The following FBXL13 variants were observed in gnomAD, a reference collection of about 807,000 sequenced individuals.
FBXL13 encodes the protein F-box and leucine rich repeat protein 13.
Under a neutral mutation model 83.6 loss-of-function variants are expected in FBXL13, and 67 were observed. The observed-to-expected ratio is 0.80, with a 90% CI of 0.66 to 0.98. FBXL13 has a LOEUF of 0.98. FBXL13 is among the 50% of genes least tolerant of loss of function. The probability of loss-of-function intolerance (pLI) is 0.00; values close to 1 mark genes in which losing one functional copy is unlikely to be tolerated. For missense variants in FBXL13, 822 were observed against 866.5 expected, an observed-to-expected ratio of 0.95 and a Z score of 0.64; for synonymous variants, 272 against 299.5, an observed-to-expected ratio of 0.91 and a Z score of 0.95.
At chr7:103,022,992 A>G (rs913131376) in intron 6 of FBXL13, among the ~76,000 whole-genome samples, 1 of 152,186 alleles carries the variant, frequency 6.6e-6, no homozygotes, top group Non-Finnish European at 1.5e-5. Flanking sequence ...AAACACCACC[A>G]TTAGCCAGGC....
rs1358892640 is a variant in FBXL13, at chr7:102,862,345, A to G, written c.1636-7485T>C. 3.3e-5 allele frequency among the ~76,000 whole-genome samples: 5 copies of G among 150,446 alleles called. No individual in the cohort carries two copies. In the East Asian group the frequency reaches 9.9e-4, roughly 30 times the overall value. The stretch of plus-strand genomic sequence containing the variant: ...ATCTGTCTCAAAAAAAAAAAAAAAA[A>G]GAAAAGAAATGGACGTTTTGGAGGG... On this transcript the variant is annotated intron_variant, in intron 16 of 19. Transcript: ENST00000313221.
intron 2 of FBXL13, among the ~76,000 whole-genome samples, chr7:103,050,970 T>C (rs1263622406): frequency 6.6e-6 from 1 of 152,194 alleles, no homozygotes; most frequent in Non-Finnish European, 1.5e-5. Flanking sequence ...ACACACTTCA[T>C]TGCTTTGTTG....
At chr7:103,046,377 T>C (rs1006173828) in intron 2 of FBXL13, among the ~76,000 whole-genome samples, 1 of 152,240 alleles carries the variant, frequency 6.6e-6, no homozygotes, top group African/African-American at 2.4e-5. Flanking sequence ...TTTCTAATTA[T>C]TGCCTCTTTT....
At chr7:102,933,170 T>C (rs1224746465) in intron 8 of FBXL13, 1 of 151,904 alleles carries the variant, frequency 6.6e-6, no homozygotes, top group Non-Finnish European at 1.5e-5. Flanking sequence ...ACTGAAAAGG[T>C]AACATTTGAG....
intron 8 of FBXL13, among the ~76,000 whole-genome samples, chr7:102,940,303 AG>A (rs1821165786): frequency 6.9e-6 from 1 of 145,504 alleles, no homozygotes; most frequent in South Asian, 2.2e-4. Context: ...TCCGCCTCCC[AG>A]GTTCACGCCA....
At chr7:102,842,729 C>T (rs1415272234) in intron 17 of FBXL13, among the ~76,000 whole-genome samples, 3 of 152,160 alleles carry the variant, frequency 2.0e-5, no homozygotes, top group Non-Finnish European at 4.4e-5. Flanking sequence ...GAGGTAGGTA[C>T]TCCTGGGCCT....
chr7:102,845,459 G>A (rs1803770933), intron 17 of FBXL13, among the ~76,000 whole-genome samples: 1 of 152,178 alleles, frequency 6.6e-6, no homozygotes, highest in African/African-American at 2.4e-5. Flanking sequence ...CTCACAAGAA[G>A]AGAAATTTTG....
chr7:103,049,106 T>C (rs1327603603), intron 2 of FBXL13, among the ~76,000 whole-genome samples: 1 of 152,200 alleles, frequency 6.6e-6, no homozygotes, highest in Non-Finnish European at 1.5e-5. Flanking sequence ...AACCAGTCAT[T>C]TTACTTTAGG....
intron 16 of FBXL13, among the ~76,000 whole-genome samples, chr7:102,865,801 C>T (rs1807561369): frequency 6.6e-6 from 1 of 152,138 alleles, no homozygotes; most frequent in East Asian, 1.9e-4. Context: ...GCCTTGGCCT[C>T]CCAAAGTGCT....
At chr7:102,986,021 C>A (rs991252397) in intron 6 of FBXL13, among the ~76,000 whole-genome samples, 10 of 151,750 alleles carry the variant, frequency 6.6e-5, no homozygotes, top group Non-Finnish European at 1.0e-4. Flanking sequence ...CACGATGCCC[C>A]CCCCCCATCA....
chr7:102,982,254 C>T (rs1191361374), intron 6 of FBXL13, among the ~76,000 whole-genome samples: 1 of 152,004 alleles, frequency 6.6e-6, no homozygotes, highest in Non-Finnish European at 1.5e-5. Context: ...CTTTTTGAAC[C>T]AAAACCTCTA....
At chr7:102,819,508 A>G (rs1274806615) in intron 19 of FBXL13, among the ~76,000 whole-genome samples, 1 of 152,182 alleles carries the variant, frequency 6.6e-6, no homozygotes, top group African/African-American at 2.4e-5. Context: ...TGATTTGCAA[A>G]GCTGGTGCAG....
chr7:102,831,997 T>C (rs1376110753), intron 18 of FBXL13, among the ~76,000 whole-genome samples: 2 of 152,198 alleles, frequency 1.3e-5, no homozygotes, highest in Non-Finnish European at 2.9e-5. Context: ...GAAAGTATGA[T>C]TCTATTATTT....
intron 14 of FBXL13, among the ~76,000 whole-genome samples, chr7:102,882,388 T>A (rs922117607): frequency 6.6e-6 from 1 of 152,224 alleles, no homozygotes; most frequent in Non-Finnish European, 1.5e-5. Context: ...TTTGTTATTA[T>A]CTGGCCCTAT....
At chr7:103,015,357 A>T (rs1215111005) in intron 6 of FBXL13, among the ~76,000 whole-genome samples, 17 of 152,218 alleles carry the variant, frequency 1.1e-4, no homozygotes, top group Admixed American at 1.1e-3. Flanking sequence ...ATCAGGCAAT[A>T]GAAAGAAATA....
chr7:103,027,065 G>A (rs1256674133), intron 5 of FBXL13, among the ~76,000 whole-genome samples: 6 of 151,990 alleles, frequency 3.9e-5, no homozygotes, highest in African/African-American at 7.2e-5. Context: ...AGGCCGAGGC[G>A]GGCAGATCAC....
intron 16 of FBXL13, among the ~76,000 whole-genome samples, chr7:102,873,381 GATTC>G (rs977159623): frequency 1.8e-4 from 27 of 152,180 alleles, no homozygotes; most frequent in African/African-American, 6.3e-4. Context: ...TGCCATCCTT[GATTC>G]ACTCCCTCTC....
intron 4 of FBXL13, among the ~76,000 whole-genome samples, chr7:103,028,158 C>A (rs1398305414): frequency 6.6e-6 from 1 of 152,096 alleles, no homozygotes. Context: ...TACCTCCCAC[C>A]CACTCAGTAT....
chr7:102,929,534 C>T lies in FBXL13; in HGVS notation c.777+2347G>A, dbSNP rs144212276. Among the ~76,000 whole-genome samples, 432 of 151,994 alleles carry T rather than the reference C, an allele frequency of 2.8e-3. 3 individuals carry two copies. Among genetic ancestry groups the T allele is most frequent in the African/African-American group, 9.6e-3 (400 of 41,456 alleles). On this transcript the variant is annotated intron_variant, in intron 9 of 19. Transcript: ENST00000313221. Reference sequence around the variant, plus strand: ...CAAAAATTAGCCAGGTGCAGTGGCACGTGCCTATAATCCCAGCTAATTGGG... The same window carrying T: ...CAAAAATTAGCCAGGTGCAGTGGCATGTGCCTATAATCCCAGCTAATTGGG...
Sources: allele counts gnomAD v4.1 joint callset (sites outside exome capture counted in the v4.1 genomes callset), GRCh38; gene constraint gnomAD v4.1.1; transcripts MANE v1.5; gene names NCBI Gene and HGNC (gene_info 2026-07-23, HGNC 2026-07-21).